The following C8orf90 variants were observed in gnomAD, a reference collection of about 807,000 sequenced individuals.
C8orf90 encodes chromosome 8 open reading frame 90.
the C8orf90 span, chr8:141,514,845 G>C: frequency 1.5e-6 from 1 of 680,176 alleles, no homozygotes; most frequent in African/African-American, 1.8e-5. Context: ...AGCAGGAAGC[G>C]GCCCTCTGAC....
the C8orf90 span, among the ~76,000 whole-genome samples, chr8:141,516,714 A>G: frequency 3.9e-5 from 6 of 152,038 alleles, no homozygotes; most frequent in Admixed American, 6.5e-5. Context: ...CGACCCCTCT[A>G]CAAGCAGAGC....
the C8orf90 span, chr8:141,514,764 G>T: frequency 1.4e-6 from 1 of 701,008 alleles, no homozygotes; most frequent in Non-Finnish European, 2.6e-6. Flanking sequence ...GCCACTCCAG[G>T]CGAGACACTT....
the C8orf90 span, among the ~76,000 whole-genome samples, chr8:141,517,114 G>A: frequency 5.9e-5 from 9 of 152,336 alleles, no homozygotes; most frequent in African/African-American, 2.2e-4. Flanking sequence ...CCAGCCCAGG[G>A]CTTCAGCTTG....
chr8:141,518,623 C>T, the C8orf90 span: 1 of 508,370 alleles, frequency 2.0e-6, no homozygotes, highest in Non-Finnish European at 3.5e-6. Flanking sequence ...CCCGCCGCCG[C>T]CTTCCCGGAG....
the C8orf90 span, among the ~76,000 whole-genome samples, chr8:141,517,694 C>T: frequency 6.6e-6 from 1 of 152,204 alleles, no homozygotes; most frequent in Admixed American, 6.5e-5. Flanking sequence ...TGCAGCCTCT[C>T]CCCAGGTGGC....
At chr8:141,517,174 C>T in the C8orf90 span, among the ~76,000 whole-genome samples, 1 of 107,978 alleles carries the variant, frequency 9.3e-6, no homozygotes, top group South Asian at 2.9e-4. Flanking sequence ...GTAAAACAGA[C>T]TGAATATTGT....
At chr8:141,516,649 G>A in the C8orf90 span, among the ~76,000 whole-genome samples, 1 of 152,198 alleles carries the variant, frequency 6.6e-6, no homozygotes, top group East Asian at 1.9e-4. Context: ...CTCCCTCAGT[G>A]ATTCATCTAG....
the C8orf90 span, chr8:141,518,335 T>A: frequency 1.5e-6 from 1 of 674,480 alleles, no homozygotes; most frequent in East Asian, 3.0e-5. Context: ...GCAGGACGAC[T>A]TCGCCATCCG....
At chr8:141,518,188 G>T in the C8orf90 span, 1 of 534,604 alleles carries the variant, frequency 1.9e-6, no homozygotes, top group Non-Finnish European at 3.3e-6. Flanking sequence ...CCGCCCTGCC[G>T]GGCGTTCACT....
At chr8:141,518,128 C>T in the C8orf90 span, 1,784 of 523,960 alleles carry the variant, frequency 3.4e-3, 21 homozygotes, top group South Asian at 0.015. Context: ...CACCTCTCTT[C>T]GCGCCCGGCC....
the C8orf90 span, chr8:141,514,696 C>T: frequency 1.4e-6 from 1 of 701,222 alleles, no homozygotes. Flanking sequence ...GGGCTGCTGG[C>T]ATGGCCTCCT....
the C8orf90 span, chr8:141,518,379 G>A: frequency 3.0e-6 from 2 of 675,718 alleles, no homozygotes; most frequent in Admixed American, 2.1e-5. Flanking sequence ...TGCCCTTCCC[G>A]TTCGCCTGGC....
chr8:141,518,323 A>G, the C8orf90 span: 1 of 671,622 alleles, frequency 1.5e-6, no homozygotes, highest in Non-Finnish European at 2.7e-6. Context: ...CGCGCTGGGC[A>G]AGCAGGACGA....
chr8:141,515,094 G>C, the C8orf90 span, among the ~76,000 whole-genome samples: 1 of 149,132 alleles, frequency 6.7e-6, no homozygotes, highest in Non-Finnish European at 1.5e-5. Flanking sequence ...GGCCCCTTCC[G>C]GATCATTCTC....
At chr8:141,515,692 C>G in the C8orf90 span, among the ~76,000 whole-genome samples, 1 of 152,134 alleles carries the variant, frequency 6.6e-6, no homozygotes, top group Non-Finnish European at 1.5e-5. Flanking sequence ...CTCCTCACAT[C>G]TTTGCCATGG....
At chr8:141,517,725 A>C in the C8orf90 span, among the ~76,000 whole-genome samples, 3 of 151,942 alleles carry the variant, frequency 2.0e-5, no homozygotes, top group Non-Finnish European at 4.4e-5. Flanking sequence ...CCTCATGTTC[A>C]TCTTGTCCTC....
At chr8:141,514,968 C>T in the C8orf90 span, among the ~76,000 whole-genome samples, 4 of 152,120 alleles carry the variant, frequency 2.6e-5, no homozygotes, top group African/African-American at 9.6e-5. Context: ...TCCTTCTCCT[C>T]CCTACGCTCC....
chr8:141,517,433 T>A, the C8orf90 span, among the ~76,000 whole-genome samples: 12 of 108,560 alleles, frequency 1.1e-4, 1 homozygote, highest in African/African-American at 3.5e-4. Context: ...TGTAGGGGTC[T>A]CTCCTGAATG....
chr8:141,517,508 C>T, the C8orf90 span, among the ~76,000 whole-genome samples: 1,312 of 152,288 alleles, frequency 8.6e-3, 18 homozygotes, highest in African/African-American at 0.031. Flanking sequence ...CTGGGGACCA[C>T]GGATAGGCTG....
Sources: allele counts gnomAD v4.1 joint callset (sites outside exome capture counted in the v4.1 genomes callset), GRCh38; gene constraint gnomAD v4.1.1; transcripts MANE v1.5; gene names NCBI Gene and HGNC (gene_info 2026-07-23, HGNC 2026-07-21).